CPNE8: variants seen among roughly 807,000 people sequenced by gnomAD.
CPNE8 encodes copine 8.
In CPNE8, 45 loss-of-function variants were observed where a neutral mutation model predicts 81.5. The observed-to-expected ratio is 0.55, with a 90% CI of 0.44 to 0.71. The LOEUF (loss-of-function observed/expected upper bound fraction) is 0.71. CPNE8 is among the 30% of genes least tolerant of loss of function. The pLI is 0.00. For missense variants in CPNE8, 594 were observed against 672.1 expected, an observed-to-expected ratio of 0.88 and a Z score of 1.28; for synonymous variants, 252 against 226.3, an observed-to-expected ratio of 1.11 and a Z score of -1.02.
chr12:38,696,599 A>C (rs946107421), intron 14 of CPNE8, among the ~76,000 whole-genome samples: 1 of 152,202 alleles, frequency 6.6e-6, no homozygotes. Flanking sequence ...AACTGACAAT[A>C]TGTATACTTT....
At chr12:38,680,704 T>C (rs577710898) in intron 16 of CPNE8, among the ~76,000 whole-genome samples, 1 of 152,156 alleles carries the variant, frequency 6.6e-6, no homozygotes, top group South Asian at 2.1e-4. Context: ...ATCCATATTA[T>C]AGCACTGAAC....
intron 3 of CPNE8, among the ~76,000 whole-genome samples, chr12:38,857,922 T>C (rs1275650417): frequency 6.6e-6 from 1 of 152,108 alleles, no homozygotes; most frequent in Non-Finnish European, 1.5e-5. Context: ...GAGGCTTAAT[T>C]CTCCCTGTTG....
intron 6 of CPNE8, among the ~76,000 whole-genome samples, chr12:38,823,521 G>A (rs1483675356): frequency 2.0e-5 from 3 of 152,068 alleles, no homozygotes; most frequent in East Asian, 1.9e-4. Flanking sequence ...CCTCCTAAAC[G>A]TCCTTTAGTC....
At chr12:38,778,396 T>G (rs1941979024) in intron 6 of CPNE8, among the ~76,000 whole-genome samples, 1 of 152,338 alleles carries the variant, frequency 6.6e-6, no homozygotes, top group East Asian at 1.9e-4. Context: ...GTTTCTAAGT[T>G]TTTTAGTATG....
At chr12:38,901,296 G>A (rs1028639283) in intron 1 of CPNE8, among the ~76,000 whole-genome samples, 3 of 152,112 alleles carry the variant, frequency 2.0e-5, no homozygotes, top group Non-Finnish European at 4.4e-5. Flanking sequence ...TACCTAACAT[G>A]CAAAGTCTAG....
intron 6 of CPNE8, among the ~76,000 whole-genome samples, chr12:38,791,425 C>A: frequency 6.6e-6 from 1 of 150,650 alleles, no homozygotes; most frequent in Non-Finnish European, 1.5e-5. Context: ...AGATTAATGG[C>A]TAAGGTAATT....
intron 6 of CPNE8, among the ~76,000 whole-genome samples, chr12:38,811,916 T>C (rs1942944743): frequency 2.0e-5 from 3 of 152,216 alleles, no homozygotes; most frequent in Non-Finnish European, 4.4e-5. Context: ...GGCATTATGT[T>C]AGGTAGTGAG....
intron 5 of CPNE8, among the ~76,000 whole-genome samples, chr12:38,833,431 A>G (rs191711429): frequency 1.9e-4 from 29 of 151,024 alleles, no homozygotes; most frequent in African/African-American, 5.1e-4. Context: ...TAAATAAGAC[A>G]CTGAAAGAAA....
intron 3 of CPNE8, among the ~76,000 whole-genome samples, chr12:38,863,309 A>T (rs1028262914): frequency 2.6e-5 from 4 of 152,224 alleles, no homozygotes; most frequent in Non-Finnish European, 5.9e-5. Flanking sequence ...ACATGTATGT[A>T]ACGAAGATAC....
chr12:38,874,797 C>A (rs1944044124), intron 1 of CPNE8, among the ~76,000 whole-genome samples: 1 of 152,118 alleles, frequency 6.6e-6, no homozygotes, highest in Non-Finnish European at 1.5e-5. Flanking sequence ...ATTAAAATCT[C>A]TTTGAGAGAA....
At chr12:38,896,412 A>G (rs1245105728) in intron 1 of CPNE8, among the ~76,000 whole-genome samples, 1 of 152,100 alleles carries the variant, frequency 6.6e-6, no homozygotes, top group Non-Finnish European at 1.5e-5. Flanking sequence ...GGGAGTGAAC[A>G]TCATTGGTCC....
At chr12:38,703,021 C>T in intron 13 of CPNE8, 100 bp from the exon 14 acceptor site, 2 of 810,924 alleles carry the variant, frequency 2.5e-6, no homozygotes, top group Non-Finnish European at 3.9e-6. Flanking sequence ...CTGATTTTCT[C>T]AAACGTTAAT....
intron 3 of CPNE8, among the ~76,000 whole-genome samples, chr12:38,869,264 A>G (rs1310634594): frequency 1.3e-5 from 2 of 152,166 alleles, no homozygotes; most frequent in Non-Finnish European, 2.9e-5. Flanking sequence ...CCTACCTGCC[A>G]CTTCCTAGTT....
rs1455890374 is a variant in CPNE8 at position 38,762,048 on chromosome 12, C to G, written c.680+64G>C. 46 of 800,592 alleles carry G rather than the reference C, an allele frequency of 5.7e-5. No individual in the cohort carries two copies. The East Asian group carries it at 1.3e-3, about 23-fold the overall frequency. The allele number at this position is 800,592 out of a possible 1,614,324, so 49.6% of individuals were successfully genotyped here. ...TTAATTAGCCAACTTATCCCACTTC[C>G]TCAAATCACTGTAGATTTTTTTAAA... is the stretch of plus-strand genomic sequence containing the variant. On this transcript the variant is annotated intron_variant, in intron 9 of 19. Transcript: ENST00000331366.
At chr12:38,792,796 A>T (rs1392432906) in intron 6 of CPNE8, among the ~76,000 whole-genome samples, 1 of 151,820 alleles carries the variant, frequency 6.6e-6, no homozygotes, top group African/African-American at 2.4e-5. Context: ...AACGTTATAG[A>T]TCAATATCCC....
chr12:38,756,086 A>G, intron 10 of CPNE8, among the ~76,000 whole-genome samples: 1 of 150,668 alleles, frequency 6.6e-6, no homozygotes, highest in East Asian at 1.9e-4. Context: ...TCTATTCTAC[A>G]TTAGCTCAAG....
In CPNE8 at chr12:38,693,833, G is replaced by A; in HGVS notation, c.967C>T (p.Pro323Ser). 1.3e-6 allele frequency: 2 copies of A among 1,596,966 alleles called. No individual in the cohort carries two copies. Among genetic ancestry groups the A allele is most frequent in the African/African-American group, 1.3e-5 (1 of 74,170 alleles). The change falls in exon 15 of 20, where the codon CCT (proline) becomes TCT (serine). Residue 323 changes from proline (P) to serine (S), a missense_variant. Coordinates refer to ENST00000331366, the MANE Select transcript of CPNE8 (RefSeq NM_153634.3). ...TAGTGGAGGGAAGTGGGCTGAGCAG[G>A]GTTGCCTGATGACAGAACACATATT... is the stretch of plus-strand genomic sequence containing the variant. ...AIDFTASNGNPAQPTSLHYMN... is the reference protein window; with the variant it reads ...AIDFTASNGNSAQPTSLHYMN...
chr12:38,818,386 T>A (rs1210832623), intron 6 of CPNE8, among the ~76,000 whole-genome samples: 2 of 152,180 alleles, frequency 1.3e-5, no homozygotes, highest in African/African-American at 2.4e-5. Flanking sequence ...ACATGTAGTG[T>A]TCGGTTTTCT....
Position 38,760,435 on chromosome 12 carries a change from GTA to G in CPNE8, c.722+410_722+411del, listed in dbSNP as rs139244982. ...ATTCTCGAGTTTTGTTGTATGGTGT[GTA>G]TATATATATATATATGTGTGTGTAT... On this transcript the variant is annotated intron_variant, in intron 10 of 19. Coordinates refer to ENST00000331366, the MANE Select transcript of CPNE8 (RefSeq NM_153634.3). 1.3e-4 allele frequency among the ~76,000 whole-genome samples: 16 copies of G among 127,250 alleles called. 3 individuals carry two copies. Among genetic ancestry groups the G allele is most frequent in the African/African-American group, 5.6e-4 (16 of 28,666 alleles). 83.5% of individuals were successfully genotyped at this position (127,250 alleles called of 152,430 possible).
Sources: gnomAD v4.1 joint callset for allele counts (sites outside exome capture counted in the v4.1 genomes callset) on GRCh38, gnomAD v4.1.1 for gene constraint, MANE v1.5 for transcripts, NCBI Gene and HGNC (gene_info 2026-07-23, HGNC 2026-07-21) for gene names.